The following BMP7 variants were observed in gnomAD, a reference collection of about 807,000 sequenced individuals.
BMP7 encodes bone morphogenetic protein 7.
Under a neutral mutation model 41.2 loss-of-function variants are expected in BMP7, and 12 were observed. The observed-to-expected ratio is 0.29, with a 90% CI of 0.19 to 0.47. BMP7 has a LOEUF of 0.47. Ranked by LOEUF, BMP7 falls within the 20% of genes least tolerant of loss-of-function variation. The pLI is 0.99. For synonymous variants in BMP7, 248 were observed against 250.0 expected (o/e 0.99, Z 0.07); for missense variants, 467 against 606.0 (o/e 0.77, Z 2.41).
At chr20:57,235,414 A>G (rs781125253) in intron 1 of BMP7, among the ~76,000 whole-genome samples, 1 of 152,200 alleles carries the variant, frequency 6.6e-6, no homozygotes, top group African/African-American at 2.4e-5. Flanking sequence ...GGCACGTTCA[A>G]CTTTAGTTCC....
intron 1 of BMP7, among the ~76,000 whole-genome samples, chr20:57,265,031 C>CAAAA (rs34234487): frequency 2.7e-5 from 2 of 74,516 alleles, no homozygotes; most frequent in African/African-American, 9.0e-5. Flanking sequence ...AACTCCGTCT[C>CAAAA]AAAAAAAAAA....
rs1192526139 is a variant in BMP7 at position 57,209,247 on chromosome 20, TTTTATATATATATATATA to T, written c.612-6642_612-6625del. Among the ~76,000 whole-genome samples the T allele has an allele frequency of 5.8e-3, 405 of 69,862 alleles. 6 individuals carry two copies. The highest frequency in any genetic ancestry group is 0.02 in the African/African-American group (385 of 19,322). The allele number at this position is 69,862 out of a possible 152,430, so 45.8% of individuals were successfully genotyped here. A position where few individuals can be genotyped will look rare whatever the true frequency, so the allele number is the denominator to read the frequency against. On this transcript the variant is annotated intron_variant, in intron 2 of 6. Transcript: ENST00000395863. ...TAAACAAATACCTAGATTTATATAT[TTTTATATATATATATATA>T]TATATATATATATATATATATGTAT...
chr20:57,246,962 C>T, intron 1 of BMP7, among the ~76,000 whole-genome samples: 1 of 150,618 alleles, frequency 6.6e-6, no homozygotes, highest in East Asian at 1.9e-4. Flanking sequence ...GCATTCCAGC[C>T]TGGGTGACAG....
chr20:57,209,253 A>ATATATATATATATATATATATT (rs1984821113), intron 2 of BMP7, among the ~76,000 whole-genome samples: 1 of 97,774 alleles, frequency 1.0e-5, no homozygotes, highest in Non-Finnish European at 1.7e-5. Flanking sequence ...ATATTTTTAT[A>ATATATATATATATATATATATT]TATATATATA....
chr20:57,264,004 C>T (rs1249912957), intron 1 of BMP7, among the ~76,000 whole-genome samples: 6 of 152,158 alleles, frequency 3.9e-5, no homozygotes, highest in Admixed American at 3.9e-4. Context: ...TGCTTCTTTC[C>T]ACCTCATACA....
chr20:57,173,622 A>G, intron 5 of BMP7: 1 of 485,240 alleles, frequency 2.1e-6, no homozygotes, highest in Non-Finnish European at 3.7e-6. Context: ...TGGGTGACAG[A>G]GCAAGACCCC....
At chr20:57,232,138 G>C (rs1243154851) in intron 1 of BMP7, among the ~76,000 whole-genome samples, 1 of 152,206 alleles carries the variant, frequency 6.6e-6, no homozygotes, top group African/African-American at 2.4e-5. Flanking sequence ...GCCTGAGTTT[G>C]ATCTTGGCTG....
intron 6 of BMP7, among the ~76,000 whole-genome samples, chr20:57,172,065 A>G (rs1981003432): frequency 6.6e-6 from 1 of 152,190 alleles, no homozygotes; most frequent in African/African-American, 2.4e-5. Context: ...TGAAATACTG[A>G]TGGAAGTAGG....
chr20:57,256,263 A>C (rs2066134004), intron 1 of BMP7, among the ~76,000 whole-genome samples: 1 of 152,240 alleles, frequency 6.6e-6, no homozygotes, highest in African/African-American at 2.4e-5. Context: ...TAGCTTCAAC[A>C]AAAATATCTG....
chr20:57,239,418 G>T (rs993094906), intron 1 of BMP7, among the ~76,000 whole-genome samples: 6 of 152,188 alleles, frequency 3.9e-5, no homozygotes, highest in Admixed American at 3.3e-4. Context: ...GCTTTGCAGG[G>T]TACGGCCTCC....
At chr20:57,256,907 G>T (rs557854827) in intron 1 of BMP7, among the ~76,000 whole-genome samples, 28 of 151,862 alleles carry the variant, frequency 1.8e-4, no homozygotes, top group African/African-American at 6.5e-4. Context: ...AAGAAAAAAA[G>T]AAATAAGTTG....
intron 2 of BMP7, among the ~76,000 whole-genome samples, chr20:57,203,897 G>A (rs1373685996): frequency 6.6e-6 from 1 of 152,154 alleles, no homozygotes; most frequent in South Asian, 2.1e-4. Context: ...ATCCTTTATG[G>A]AGCACTTACC....
chr20:57,261,466 G>A lies in BMP7; in HGVS notation c.418+4239C>T, dbSNP rs2066153718. ...CTTGATTCCAGAAGGAAAATACATA[G>A]AAAATGAAAAAAGTTCAAAGCTGGG... On this transcript the variant is annotated intron_variant, in intron 1 of 6. Transcript: ENST00000395863. The surrounding 1 kb of genome is among the most constrained non-coding windows in gnomAD (Gnocchi z 4.1). Among the ~76,000 whole-genome samples the A allele has an allele frequency of 6.6e-6, 1 of 152,096 alleles. No individual in the cohort carries two copies. The highest frequency in any genetic ancestry group is 1.5e-5 in the Non-Finnish European group (1 of 67,996).
chr20:57,214,583 C>T lies in BMP7; in HGVS notation c.612-11960G>A, dbSNP rs182923046. The stretch of plus-strand genomic sequence containing the variant: ...TGTGCCAGTCTCCAGCCCACCACAG[C>T]CCCTCACACATGCTGTTTCCGCTGC... On this transcript the variant is annotated intron_variant, in intron 2 of 6. Coordinates refer to ENST00000395863, the MANE Select transcript of BMP7 (RefSeq NM_001719.3). The surrounding 1 kb of genome is among the most constrained non-coding windows in gnomAD (Gnocchi z 4.0). 2.6e-5 allele frequency among the ~76,000 whole-genome samples: 4 copies of T among 152,206 alleles called. No individual in the cohort carries two copies. The highest frequency in any genetic ancestry group is 6.5e-5 in the Admixed American group (1 of 15,294).
intron 1 of BMP7, chr20:57,243,935 C>T (rs527977409): frequency 3.3e-4 from 50 of 152,374 alleles, no homozygotes; most frequent in African/African-American, 1.2e-3. Flanking sequence ...GAGCAGGACT[C>T]AGGAGGTTTC....
Position 57,202,464 on chromosome 20 carries a change from G to A in BMP7, c.760+11C>T, listed in dbSNP as rs372592843. The A allele has an allele frequency of 1.6e-5, 26 of 1,602,484 alleles. No individual in the cohort carries two copies. Among genetic ancestry groups the A allele is most frequent in the South Asian group, 5.5e-5 (5 of 90,758 alleles). ...GGCTGCATTAGGACTGGCAGTGGCC[G>A]GGGGACTCACCATCCAGCGTCTCCA... On this transcript the variant is annotated intron_variant, in intron 3 of 6. Coordinates refer to ENST00000395863, the MANE Select transcript of BMP7 (RefSeq NM_001719.3).
At chr20:57,257,598 T>G (rs549221163) in intron 1 of BMP7, among the ~76,000 whole-genome samples, 5 of 152,258 alleles carry the variant, frequency 3.3e-5, no homozygotes, top group Admixed American at 1.3e-4. Flanking sequence ...AACTTATTAC[T>G]ATTTAAGGTA....
At chr20:57,205,276 T>G (rs1447237371) in intron 2 of BMP7, among the ~76,000 whole-genome samples, 1 of 152,220 alleles carries the variant, frequency 6.6e-6, no homozygotes, top group Non-Finnish European at 1.5e-5. Context: ...ACCTTTCACA[T>G]CCAAACTGAA....
chr20:57,177,041 T>C (rs966662866), intron 4 of BMP7, among the ~76,000 whole-genome samples: 2 of 152,186 alleles, frequency 1.3e-5, no homozygotes, highest in Non-Finnish European at 2.9e-5. Context: ...TAGCCTCCCA[T>C]GGACCACACA....
Sources: allele counts gnomAD v4.1 joint callset (sites outside exome capture counted in the v4.1 genomes callset), GRCh38; gene constraint gnomAD v4.1.1; non-coding constraint Gnocchi (gnomAD v3.1); transcripts MANE v1.5; gene names NCBI Gene and HGNC (gene_info 2026-07-23, HGNC 2026-07-21).